The following YJU2B variants were observed in gnomAD, a reference collection of about 807,000 sequenced individuals.
The protein encoded by YJU2B is YJU2 splicing factor homolog B.
A neutral mutation model predicts 38.0 loss-of-function variants in YJU2B; 18 were observed. That is an observed-to-expected ratio of 0.47 (90% CI 0.33 to 0.70). The LOEUF (loss-of-function observed/expected upper bound fraction) is 0.70. YJU2B is among the 30% of genes least tolerant of loss of function. The pLI is 0.02. For synonymous variants in YJU2B, 246 were observed against 225.4 expected, an observed-to-expected ratio of 1.09 and a Z score of -0.82; for missense variants, 538 against 556.3, an observed-to-expected ratio of 0.97 and a Z score of 0.33.
intron 2 of YJU2B, among the ~76,000 whole-genome samples, chr19:13,735,444 T>TA (rs1345724250): frequency 1.3e-5 from 2 of 152,160 alleles, no homozygotes; most frequent in East Asian, 3.9e-4. Flanking sequence ...TCTAAGGACT[T>TA]ACAAACACCC....
chr19:13,762,170 G>C, intron 8 of YJU2B, 129 bp from the exon 9 acceptor site: 1 of 1,130,512 alleles, frequency 8.8e-7, no homozygotes. Flanking sequence ...ACTCCAGTCT[G>C]GGCGACAGAA....
At chr19:13,758,007 G>T (rs1973735247) in intron 6 of YJU2B, among the ~76,000 whole-genome samples, 161 bp downstream of exon 6, 1 of 151,998 alleles carries the variant, frequency 6.6e-6, no homozygotes. Context: ...AACCCTCCAT[G>T]GCTCCCACCT....
chr19:13,735,941 A>G (rs934897596), intron 2 of YJU2B, among the ~76,000 whole-genome samples: 27 of 151,274 alleles, frequency 1.8e-4, no homozygotes, highest in Non-Finnish European at 3.2e-4. Flanking sequence ...AGTCCCAGCT[A>G]CTCGGGAGGC....
intron 1 of YJU2B, among the ~76,000 whole-genome samples, chr19:13,750,588 G>A (rs1973420290): frequency 6.6e-6 from 1 of 152,174 alleles, no homozygotes; most frequent in Non-Finnish European, 1.5e-5. Flanking sequence ...GCTGGGTGCA[G>A]TGGCTTGTGC....
At chr19:13,754,897 C>A (rs1004711176) in intron 3 of YJU2B, among the ~76,000 whole-genome samples, 2 of 152,228 alleles carry the variant, frequency 1.3e-5, no homozygotes, top group East Asian at 1.9e-4. Flanking sequence ...GTGGCTGTGT[C>A]CCCACACAGT....
chr19:13,735,328 A>C (rs1159039111), intron 2 of YJU2B, among the ~76,000 whole-genome samples: 1 of 152,082 alleles, frequency 6.6e-6, no homozygotes, highest in Non-Finnish European at 1.5e-5. Context: ...AAATCAGGAG[A>C]CTTGAGTCTG....
chr19:13,742,286 G>T, intron 2 of YJU2B, among the ~76,000 whole-genome samples: 1 of 142,080 alleles, frequency 7.0e-6, no homozygotes, highest in South Asian at 2.3e-4. Context: ...GTCCTTCTTT[G>T]AGTCCCACTT....
At chr19:13,754,138 C>T in intron 2 of YJU2B, 151 bp from the exon 3 acceptor site, 1 of 642,286 alleles carries the variant, frequency 1.6e-6, no homozygotes, top group Non-Finnish European at 2.8e-6. Context: ...CACCACTGCA[C>T]TCCAGCATGG....
chr19:13,753,887 C>T (rs1973565960), intron 2 of YJU2B, among the ~76,000 whole-genome samples: 1 of 152,004 alleles, frequency 6.6e-6, no homozygotes, highest in Admixed American at 6.6e-5. Flanking sequence ...ATTATGGGAA[C>T]TACAATTCAA....
intron 9 of YJU2B, 38 bp from the exon 10 acceptor site, chr19:13,762,552 C>T: frequency 6.5e-7 from 1 of 1,531,112 alleles, no homozygotes; most frequent in Non-Finnish European, 8.7e-7. Flanking sequence ...TGGACCCCCT[C>T]CCCTGCCGCC....
chr19:13,757,758 T>C, intron 5 of YJU2B, 28 bp from the exon 6 acceptor site: 2 of 1,612,606 alleles, frequency 1.2e-6, no homozygotes, highest in Non-Finnish European at 1.7e-6. Flanking sequence ...GGCAATGAAA[T>C]TACCACCCCC....
upstream of YJU2B, among the ~76,000 whole-genome samples, chr19:13,744,808 A>G (rs1226648980): frequency 1.3e-5 from 2 of 152,172 alleles, no homozygotes; most frequent in Non-Finnish European, 2.9e-5. Context: ...CTTGGCTAAC[A>G]TGGTGAAACC....
At position 13,762,597 on chromosome 19, in the gene YJU2B, G is replaced by A. The variant is rs759335797; in HGVS notation, c.720G>A (p.Glu240=). 3.3e-6 allele frequency: 5 copies of A among 1,528,356 alleles called. No homozygotes were observed. In the Admixed American group the frequency reaches 8.0e-5, roughly 25 times the overall value. The allele number at this position is 1,528,356 out of a possible 1,614,324, so 94.7% of individuals were successfully genotyped here. ...TCCTCTCCTCTCCTCTAGCCTACGA[G>A]GACAAGCAGAAACTCAAGCGGACCG... is the stretch of plus-strand genomic sequence containing the variant. ...LLKFHTLDSY[E]DKQKLKRTEI... The change falls in exon 10 of 10, where the codon GAG becomes GAA. Residue 240 remains glutamate (E), a synonymous_variant. Coordinates refer to ENST00000221554, the MANE Select transcript of YJU2B (RefSeq NM_030818.4).
At chr19:13,742,294 CTTTTTTTTTTTT>C (rs552865402) in intron 2 of YJU2B, among the ~76,000 whole-genome samples, 33 of 111,980 alleles carry the variant, frequency 2.9e-4, no homozygotes, top group African/African-American at 1.2e-3. Flanking sequence ...TTGAGTCCCA[CTTTTTTTTTTTT>C]TTTTTTTTTT....
chr19:13,740,768 C>G (rs377054714), intron 2 of YJU2B, among the ~76,000 whole-genome samples: 1 of 152,160 alleles, frequency 6.6e-6, no homozygotes, highest in Non-Finnish European at 1.5e-5. Flanking sequence ...AACTCCTGAC[C>G]TCGCGATCTG....
Position 13,762,796 on chromosome 19 carries a change from C to G in YJU2B, c.919C>G (p.Pro307Ala). ...RRRSRDVPESPQHAADTPKSG... is the reference protein window; with the variant it reads ...RRRSRDVPESAQHAADTPKSG... ...GAGGTCTCGGGACGTCCCGGAGAGC[C>G]CCCAGCATGCGGCCGACACCCCCAA... Residue 307 changes from proline (P) to alanine (A), a missense_variant, in exon 10 of 10, where the codon CCC becomes GCC. By Grantham distance (27) the Pro-to-Ala change is conservative (BLOSUM62 -1). This residue lies in a region of YJU2B where 488 missense variants were observed against 469.5 expected (regional missense o/e 1.04). Transcript: ENST00000221554. 2 of 1,603,036 alleles carry G rather than the reference C, an allele frequency of 1.2e-6. No homozygotes were observed. Among genetic ancestry groups the G allele is most frequent in the Admixed American group, 1.7e-5 (1 of 58,532 alleles).
At chr19:13,749,968 G>A (rs1450340385) in intron 1 of YJU2B, among the ~76,000 whole-genome samples, 1 of 152,084 alleles carries the variant, frequency 6.6e-6, no homozygotes, top group African/African-American at 2.4e-5. Flanking sequence ...ATGAGAGGGG[G>A]TCTCACCACC....
At chr19:13,759,337 TCCCCC>T (rs760958661) in intron 8 of YJU2B, 65 bp downstream of exon 8, 1 of 1,348,272 alleles carries the variant, frequency 7.4e-7, no homozygotes, top group African/African-American at 1.5e-5. Flanking sequence ...GGTCCAGCCC[TCCCCC>T]CACCACATCC....
chr19:13,751,307 C>T (rs745909088), intron 1 of YJU2B, among the ~76,000 whole-genome samples: 23 of 152,136 alleles, frequency 1.5e-4, no homozygotes, highest in Non-Finnish European at 3.1e-4. Context: ...CCCAGCTACT[C>T]GGGAGACTGA....
Sources: allele counts gnomAD v4.1 joint callset (sites outside exome capture counted in the v4.1 genomes callset), GRCh38; gene constraint gnomAD v4.1.1; regional missense constraint gnomAD v4.1.1; transcripts MANE v1.5; gene names NCBI Gene and HGNC (gene_info 2026-07-23, HGNC 2026-07-21).